The following OPCML variants were observed in gnomAD, a reference collection of about 807,000 sequenced individuals.
OPCML encodes the protein opioid-binding protein/cell adhesion molecule.
In OPCML, 13 loss-of-function variants were observed where a neutral mutation model predicts 37.8. The observed-to-expected ratio is 0.34, with a 90% CI of 0.22 to 0.55. The LOEUF (loss-of-function observed/expected upper bound fraction) is 0.55, where lower values mean the gene tolerates loss of function less well. Among genes scored for constraint, OPCML ranks in the 20% least tolerant of loss-of-function variants. The pLI is 0.91. For missense variants in OPCML, 341 were observed against 435.6 expected, an observed-to-expected ratio of 0.78 and a Z score of 1.93; for synonymous variants, 176 against 168.8, an observed-to-expected ratio of 1.04 and a Z score of -0.33.
intron 7 of OPCML, among the ~76,000 whole-genome samples, chr11:132,422,864 G>A (rs757014405): frequency 6.6e-6 from 1 of 152,198 alleles, no homozygotes; most frequent in African/African-American, 2.4e-5. Flanking sequence ...ACAGTATCAT[G>A]GTGTGAGAGA....
chr11:133,048,547 T>C (rs1240844378), intron 1 of OPCML, among the ~76,000 whole-genome samples: 4 of 152,240 alleles, frequency 2.6e-5, no homozygotes, highest in Non-Finnish European at 4.4e-5. Context: ...GGTTAATTAA[T>C]CTTGTGACTT....
At chr11:132,771,387 G>A (rs904529445) in intron 2 of OPCML, among the ~76,000 whole-genome samples, 5 of 152,154 alleles carry the variant, frequency 3.3e-5, no homozygotes, top group African/African-American at 7.2e-5. Context: ...GAGAGGCCAC[G>A]CCTGTAATAA....
intron 2 of OPCML, among the ~76,000 whole-genome samples, chr11:132,674,457 T>C (rs182919950): frequency 3.9e-5 from 6 of 152,270 alleles, no homozygotes; most frequent in African/African-American, 1.2e-4. Context: ...TAATCAGATT[T>C]ATTTTGTGTT....
chr11:133,060,422 G>A (rs1948320511), intron 1 of OPCML, among the ~76,000 whole-genome samples: 1 of 152,200 alleles, frequency 6.6e-6, no homozygotes, highest in South Asian at 2.1e-4. Flanking sequence ...GTTACATATA[G>A]TCACATGTAG....
Position 133,275,389 on chromosome 11 carries a change from G to C in OPCML, c.61+256875C>G, listed in dbSNP as rs181041405. ...TCATCATTAATTCTTAAAAACTAAG[G>C]GTGCATTTTAATTCCATAGAGAGAG... On this transcript the variant is annotated intron_variant, in intron 1 of 7. Coordinates refer to ENST00000524381, the MANE Select transcript of OPCML (RefSeq NM_001012393.5). 1.5e-3 allele frequency among the ~76,000 whole-genome samples: 225 copies of C among 152,074 alleles called. 5 individuals are homozygous for C. Among genetic ancestry groups the C allele is most frequent in the Middle Eastern group, 0.01 (3 of 294 alleles).
At chr11:133,079,189 T>C (rs538493525) in intron 1 of OPCML, among the ~76,000 whole-genome samples, 1 of 152,308 alleles carries the variant, frequency 6.6e-6, no homozygotes, top group East Asian at 1.9e-4. Flanking sequence ...AAATTGCTTG[T>C]ACTTTTGATA....
chr11:133,374,752 T>C (rs1367344247), intron 1 of OPCML, among the ~76,000 whole-genome samples: 1 of 152,222 alleles, frequency 6.6e-6, no homozygotes, highest in African/African-American at 2.4e-5. Context: ...GCATTTTTAT[T>C]CATCTAATTC....
intron 4 of OPCML, among the ~76,000 whole-genome samples, chr11:132,454,376 C>CA (rs1207943545): frequency 6.6e-6 from 1 of 152,156 alleles, no homozygotes; most frequent in Non-Finnish European, 1.5e-5. Flanking sequence ...TGGTGGAAGC[C>CA]TGATTTGGAA....
At chr11:132,754,739 T>C (rs1240602859) in intron 2 of OPCML, among the ~76,000 whole-genome samples, 2 of 152,062 alleles carry the variant, frequency 1.3e-5, no homozygotes, top group Non-Finnish European at 2.9e-5. Flanking sequence ...AATGTGACCA[T>C]GAGCTGAGTT....
intron 1 of OPCML, among the ~76,000 whole-genome samples, chr11:132,981,823 CA>C (rs763267585): frequency 2.0e-5 from 3 of 152,168 alleles, no homozygotes; most frequent in Non-Finnish European, 4.4e-5. Context: ...AATGAAGAAA[CA>C]AATGGAAACT....
At chr11:133,267,468 G>A (rs184886194) in intron 1 of OPCML, among the ~76,000 whole-genome samples, 2 of 152,270 alleles carry the variant, frequency 1.3e-5, no homozygotes, top group Admixed American at 1.3e-4. Flanking sequence ...ATTAAGTGAG[G>A]TATGTATATA....
chr11:133,135,440 GTTT>G (rs11291782), intron 1 of OPCML, among the ~76,000 whole-genome samples: 38 of 131,206 alleles, frequency 2.9e-4, no homozygotes, highest in African/African-American at 3.1e-4. Flanking sequence ...CCCTCCATAG[GTTT>G]TTTTTTTTTT....
chr11:132,875,933 G>A (rs1218003492), intron 2 of OPCML, among the ~76,000 whole-genome samples: 1 of 152,226 alleles, frequency 6.6e-6, no homozygotes, highest in Non-Finnish European at 1.5e-5. Flanking sequence ...TTGCAACCCA[G>A]ATGTTAAAAA....
rs189210564 is a variant in OPCML, at chr11:133,272,197, T to C, written c.61+260067A>G. Among the ~76,000 whole-genome samples the C allele has an allele frequency of 2.7e-5, 4 of 148,142 alleles. No individual in the cohort carries two copies. The East Asian group carries it at 8.1e-4, about 30-fold the overall frequency. ...TGCTTGCTGTGATAGTTAGGGTTAGTAATAAATTGAAAGTTGAAGTGGTCT... is the reference window on the plus strand; with the variant it reads ...TGCTTGCTGTGATAGTTAGGGTTAGCAATAAATTGAAAGTTGAAGTGGTCT... On this transcript the variant is annotated intron_variant, in intron 1 of 7. Coordinates refer to ENST00000524381, the MANE Select transcript of OPCML (RefSeq NM_001012393.5).
intron 1 of OPCML, among the ~76,000 whole-genome samples, chr11:133,525,872 C>T (rs1948480232): frequency 6.6e-6 from 1 of 152,200 alleles, no homozygotes; most frequent in Non-Finnish European, 1.5e-5. Flanking sequence ...GGCCTGTGTC[C>T]CACTGCATCA....
intron 2 of OPCML, among the ~76,000 whole-genome samples, chr11:132,674,030 CA>C (rs1461802488): frequency 6.6e-6 from 1 of 152,128 alleles, no homozygotes; most frequent in African/African-American, 2.4e-5. Context: ...AGCATATAGG[CA>C]GTGTATGGTT....
At chr11:133,521,089 G>T (rs139840692) in intron 1 of OPCML, among the ~76,000 whole-genome samples, 287 of 152,272 alleles carry the variant, frequency 1.9e-3, no homozygotes, top group African/African-American at 6.7e-3. Context: ...CCCAGACAAG[G>T]GTCGCCTTCC....
chr11:133,281,542 CT>C (rs1014000036), intron 1 of OPCML, among the ~76,000 whole-genome samples: 1 of 152,006 alleles, frequency 6.6e-6, no homozygotes, highest in African/African-American at 2.4e-5. Flanking sequence ...TCATGTATTC[CT>C]TTACAGAGAT....
At position 133,193,785 on chromosome 11, in the gene OPCML, C is replaced by G. The variant is rs1217643233; in HGVS notation, c.62-250775G>C. Among the ~76,000 whole-genome samples, 5 of 152,242 alleles carry G rather than the reference C, an allele frequency of 3.3e-5. No homozygotes were observed. The East Asian group carries it at 9.6e-4, about 29-fold the overall frequency. ...GTCGGCATATCCTGTAAAAATCGAT[C>G]TGGCTCTTTAAATAGAAGAAGTCCT... On this transcript the variant is annotated intron_variant, in intron 1 of 7. Coordinates refer to ENST00000524381, the MANE Select transcript of OPCML (RefSeq NM_001012393.5).
Sources: allele counts gnomAD v4.1 joint callset (sites outside exome capture counted in the v4.1 genomes callset), GRCh38; gene constraint gnomAD v4.1.1; transcripts MANE v1.5; gene names NCBI Gene and HGNC (gene_info 2026-07-23, HGNC 2026-07-21).